The following CAST variants were observed in gnomAD, a reference collection of about 807,000 sequenced individuals.
CAST encodes the protein MIR583 host.
A neutral mutation model predicts 119.6 loss-of-function variants in CAST; 76 were observed. The observed-to-expected ratio is 0.64, with a 90% CI of 0.53 to 0.77. The LOEUF is 0.77. CAST is among the 30% of genes least tolerant of loss of function. The pLI is 0.00. For missense variants in CAST, 953 were observed against 946.5 expected (o/e 1.01, Z -0.09); for synonymous variants, 319 against 331.6 (o/e 0.96, Z 0.41).
chr5:96,019,375 T>C, the CAST span, among the ~76,000 whole-genome samples: 2 of 152,228 alleles, frequency 1.3e-5, no homozygotes, highest in Non-Finnish European at 2.9e-5. Flanking sequence ...CTTCTGTACA[T>C]ATAGAGCATT....
chr5:96,177,157 C>T, the CAST span, among the ~76,000 whole-genome samples: 1 of 152,150 alleles, frequency 6.6e-6, no homozygotes, highest in African/African-American at 2.4e-5. Flanking sequence ...ATCTACTCTG[C>T]ACTTTACCAA....
At chr5:96,542,769 CAACA>C (rs1354928948) in intron 1 of CAST, among the ~76,000 whole-genome samples, 43 of 152,040 alleles carry the variant, frequency 2.8e-4, no homozygotes, top group African/African-American at 9.9e-4. Context: ...GTGTCTTTTC[CAACA>C]AACATACGAA....
intron 1 of CAST, among the ~76,000 whole-genome samples, chr5:96,594,015 G>A (rs192074565): frequency 6.6e-6 from 1 of 152,194 alleles, no homozygotes; most frequent in Non-Finnish European, 1.5e-5. Flanking sequence ...CAGAATTCCA[G>A]TGCACCCACA....
chr5:96,236,165 C>G, the CAST span, among the ~76,000 whole-genome samples: 2 of 152,142 alleles, frequency 1.3e-5, no homozygotes, highest in African/African-American at 4.8e-5. Flanking sequence ...ATCTACCTAT[C>G]TATCTGTGGC....
At chr5:96,214,116 A>C in the CAST span, among the ~76,000 whole-genome samples, 1 of 152,208 alleles carries the variant, frequency 6.6e-6, no homozygotes, top group South Asian at 2.1e-4. Flanking sequence ...AATCTCAGGA[A>C]GTATGTTCTC....
chr5:96,290,997 C>T, the CAST span, among the ~76,000 whole-genome samples: 57 of 152,328 alleles, frequency 3.7e-4, no homozygotes, highest in African/African-American at 1.3e-3. Flanking sequence ...TGGAGGAAAA[C>T]AGCCACCATG....
At chr5:96,564,696 A>T (rs1156997393) in intron 1 of CAST, among the ~76,000 whole-genome samples, 1 of 152,234 alleles carries the variant, frequency 6.6e-6, no homozygotes, top group East Asian at 1.9e-4. Context: ...AGGTAGGCAG[A>T]TCACTTGAGC....
intron 1 of CAST, among the ~76,000 whole-genome samples, chr5:96,544,607 A>C (rs1460012891): frequency 2.2e-5 from 2 of 90,848 alleles, no homozygotes; most frequent in Non-Finnish European, 4.8e-5. Flanking sequence ...GAAACCATTA[A>C]AACAATAAAA....
the CAST span, among the ~76,000 whole-genome samples, chr5:96,437,090 A>G: frequency 6.6e-6 from 1 of 152,196 alleles, no homozygotes; most frequent in Non-Finnish European, 1.5e-5. Context: ...AAGACCAAAT[A>G]TCTTGAGGGA....
chr5:96,434,664 G>T, the CAST span, among the ~76,000 whole-genome samples: 1 of 151,542 alleles, frequency 6.6e-6, no homozygotes, highest in Admixed American at 6.6e-5. Context: ...CCGAGGGCGC[G>T]ATCTATGCTG....
the CAST span, among the ~76,000 whole-genome samples, chr5:95,987,293 T>TC: frequency 3.3e-5 from 5 of 152,148 alleles, no homozygotes; most frequent in Non-Finnish European, 5.9e-5. Flanking sequence ...TTCTTTTTTT[T>TC]CTCTCTCTCT....
upstream of CAST, among the ~76,000 whole-genome samples, chr5:96,523,239 T>C (rs1745545470): frequency 6.6e-6 from 1 of 152,222 alleles, no homozygotes; most frequent in South Asian, 2.1e-4. Context: ...TGCTGCTGAC[T>C]GGTCCTAGAG....
At chr5:96,034,710 A>C in the CAST span, among the ~76,000 whole-genome samples, 1 of 151,762 alleles carries the variant, frequency 6.6e-6, no homozygotes, top group Non-Finnish European at 1.5e-5. Flanking sequence ...AGATCTCTTC[A>C]ACATATTCCT....
intron 3 of CAST, among the ~76,000 whole-genome samples, chr5:96,711,929 G>A (rs548032951): frequency 1.2e-3 from 179 of 152,298 alleles, no homozygotes; most frequent in African/African-American, 4.1e-3. Flanking sequence ...GATATGGGCA[G>A]TAGAGAAGGA....
the CAST span, among the ~76,000 whole-genome samples, chr5:96,125,280 G>C: frequency 6.6e-6 from 1 of 152,088 alleles, no homozygotes; most frequent in Non-Finnish European, 1.5e-5. Flanking sequence ...GTGACTGTTG[G>C]GTTGCTAGCC....
intron 1 of CAST, among the ~76,000 whole-genome samples, chr5:96,639,541 C>G (rs1227297837): frequency 6.6e-6 from 1 of 152,164 alleles, no homozygotes; most frequent in Non-Finnish European, 1.5e-5. Flanking sequence ...AGAATGAAGT[C>G]CAGAGGGGAA....
chr5:96,347,529 A>T, the CAST span, among the ~76,000 whole-genome samples: 7 of 152,028 alleles, frequency 4.6e-5, no homozygotes, highest in African/African-American at 1.7e-4. Flanking sequence ...TGTAAATCAG[A>T]CCTTGGTTTT....
the CAST span, among the ~76,000 whole-genome samples, chr5:96,070,687 C>A: frequency 6.6e-6 from 1 of 152,134 alleles, no homozygotes; most frequent in Non-Finnish European, 1.5e-5. Context: ...TTGAAGATAT[C>A]TGCAGCACAT....
chr5:96,229,507 A>C, the CAST span, among the ~76,000 whole-genome samples: 27 of 152,116 alleles, frequency 1.8e-4, no homozygotes, highest in African/African-American at 6.5e-4. Context: ...ACAGAGATGC[A>C]GATGTTAAAC....
Sources: gnomAD v4.1 joint callset for allele counts (sites outside exome capture counted in the v4.1 genomes callset) on GRCh38, gnomAD v4.1.1 for gene constraint, MANE v1.5 for transcripts, NCBI Gene and HGNC (gene_info 2026-07-23, HGNC 2026-07-21) for gene names.